Variants in NEXN observed in about 807,000 individuals in gnomAD.
NEXN encodes the protein nexilin.
A neutral mutation model predicts 92.6 loss-of-function variants in NEXN; 65 were observed. The observed-to-expected ratio is 0.70, with a 90% CI of 0.57 to 0.86. NEXN has a LOEUF of 0.86. Ranked by LOEUF, NEXN falls within the 40% of genes least tolerant of loss-of-function variation. The pLI, the probability that NEXN is intolerant of heterozygous loss-of-function variation, is 0.00. For synonymous variants in NEXN, 254 were observed against 242.5 expected (o/e 1.05, Z -0.44); for missense variants, 778 against 771.1 (o/e 1.01, Z -0.11).
intron 11 of NEXN, among the ~76,000 whole-genome samples, chr1:77,936,673 C>A (rs1286162264): frequency 6.6e-6 from 1 of 152,142 alleles, no homozygotes; most frequent in Non-Finnish European, 1.5e-5. Context: ...CTGCAACATC[C>A]CTTCTAGCTT....
intron 1 of NEXN, among the ~76,000 whole-genome samples, chr1:77,911,557 A>C (rs1285829773): frequency 6.6e-6 from 1 of 151,820 alleles, no homozygotes. Context: ...GCACCATTGC[A>C]CTCCAGCCTG....
chr1:77,893,638 A>G (rs1647156445), intron 1 of NEXN, among the ~76,000 whole-genome samples: 1 of 152,248 alleles, frequency 6.6e-6, no homozygotes. Flanking sequence ...AGCTTGTACT[A>G]TGTCCTAGGT....
chr1:77,932,244 A>G (rs1052192696), intron 9 of NEXN, among the ~76,000 whole-genome samples: 4 of 152,118 alleles, frequency 2.6e-5, no homozygotes, highest in African/African-American at 9.7e-5. Context: ...TATTAGAAAT[A>G]TTTTGAAGTT....
chr1:77,941,929 A>G (rs1651350729), intron 11 of NEXN, 94 bp from the exon 12 acceptor site: 1 of 1,232,358 alleles, frequency 8.1e-7, no homozygotes, highest in Non-Finnish European at 1.2e-6. Context: ...TAAACATGTT[A>G]ATCATTTTGT....
At chr1:77,901,469 CAA>C in intron 1 of NEXN, among the ~76,000 whole-genome samples, 1 of 152,178 alleles carries the variant, frequency 6.6e-6, no homozygotes, top group South Asian at 2.1e-4. Context: ...TCCATATAAA[CAA>C]AACCTCTATT....
intron 11 of NEXN, among the ~76,000 whole-genome samples, chr1:77,940,182 C>A (rs1179038943): frequency 6.6e-6 from 1 of 152,116 alleles, no homozygotes; most frequent in Non-Finnish European, 1.5e-5. Flanking sequence ...TAAACATGTA[C>A]CCCTCATTTG....
intron 1 of NEXN, among the ~76,000 whole-genome samples, chr1:77,913,862 T>TA (rs1259373872): frequency 1.3e-5 from 2 of 152,144 alleles, no homozygotes; most frequent in African/African-American, 4.8e-5. Flanking sequence ...GGTGAATGGA[T>TA]AAACTGTGGT....
At chr1:77,915,396 G>A (rs1263333151) in intron 1 of NEXN, among the ~76,000 whole-genome samples, 1 of 152,176 alleles carries the variant, frequency 6.6e-6, no homozygotes, top group Non-Finnish European at 1.5e-5. Flanking sequence ...TTGGGAGGCC[G>A]AGGCAGGCGG....
rs794729081 is a variant in NEXN at position 77,917,600 on chromosome 1, C to T, written c.62C>T (p.Thr21Ile). 6.2e-7 allele frequency: 1 copy of T among 1,613,362 alleles called. No individual in the cohort carries two copies. Among genetic ancestry groups the T allele is most frequent in the Non-Finnish European group, 8.5e-7 (1 of 1,179,644 alleles). Residue 21 changes from threonine to isoleucine, a missense_variant, in exon 3 of 13, where the codon ACC becomes ATC. Transcript: ENST00000334785. ...LLSSSKPVPK[T>I]YVPKLGKGDV... ...TCTTCATCTAAACCTGTCCCAAAAA[C>T]CTATGTACCAAAACTTGGCAAGGGT...
intron 1 of NEXN, among the ~76,000 whole-genome samples, chr1:77,890,341 TAC>T (rs1389181759): frequency 3.3e-5 from 5 of 152,204 alleles, no homozygotes; most frequent in African/African-American, 9.6e-5. Context: ...TCATCATAGT[TAC>T]AATGTAATCC....
At chr1:77,930,625 C>T (rs531102941) in intron 9 of NEXN, among the ~76,000 whole-genome samples, 2 of 152,184 alleles carry the variant, frequency 1.3e-5, no homozygotes, top group African/African-American at 2.4e-5. Flanking sequence ...ATATTGCTCT[C>T]GTTTCATTTC....
chr1:77,914,039 A>G (rs1648777179), intron 1 of NEXN, among the ~76,000 whole-genome samples: 1 of 152,238 alleles, frequency 6.6e-6, no homozygotes, highest in Admixed American at 6.5e-5. Flanking sequence ...AGTCAAAACT[A>G]TGAAGACAGT....
chr1:77,924,611 T>C (rs945776349), intron 5 of NEXN, among the ~76,000 whole-genome samples: 1 of 152,120 alleles, frequency 6.6e-6, no homozygotes, highest in Non-Finnish European at 1.5e-5. Flanking sequence ...TGGTCTGTTA[T>C]TCAGTTTCTG....
chr1:77,900,694 C>T (rs1302811979), intron 1 of NEXN, among the ~76,000 whole-genome samples: 3 of 152,164 alleles, frequency 2.0e-5, no homozygotes, highest in Non-Finnish European at 4.4e-5. Context: ...TGTTAGAATG[C>T]CATTACTAAA....
intron 1 of NEXN, among the ~76,000 whole-genome samples, chr1:77,895,341 G>A (rs543236503): frequency 9.0e-4 from 137 of 151,836 alleles, no homozygotes; most frequent in Non-Finnish European, 2.8e-4. Context: ...CACCGCGCCC[G>A]GTCACCTATA....
chr1:77,892,768 G>A (rs779264310), intron 1 of NEXN, among the ~76,000 whole-genome samples: 3 of 151,912 alleles, frequency 2.0e-5, no homozygotes, highest in Non-Finnish European at 4.4e-5. Context: ...ACCATATATT[G>A]CTAACCAAAA....
chr1:77,906,095 A>C (rs1319518966), intron 1 of NEXN, among the ~76,000 whole-genome samples: 4 of 152,146 alleles, frequency 2.6e-5, no homozygotes, highest in Admixed American at 6.6e-5. Context: ...AAGCCCTCAA[A>C]GGACATAGAG....
intron 1 of NEXN, among the ~76,000 whole-genome samples, chr1:77,914,857 C>CAA (rs566813851): frequency 8.9e-5 from 6 of 67,586 alleles, no homozygotes; most frequent in South Asian, 9.8e-4. Flanking sequence ...AACTACGTCT[C>CAA]AAAAAAAAAA....
chr1:77,928,066 T>C (rs1198693689), intron 8 of NEXN, among the ~76,000 whole-genome samples: 1 of 152,100 alleles, frequency 6.6e-6, no homozygotes, highest in East Asian at 1.9e-4. Context: ...CTCAGCACTT[T>C]GGAAGGCTGA....
Sources: gnomAD v4.1 joint callset for allele counts (sites outside exome capture counted in the v4.1 genomes callset) on GRCh38, gnomAD v4.1.1 for gene constraint, MANE v1.5 for transcripts, NCBI Gene and HGNC (gene_info 2026-07-23, HGNC 2026-07-21) for gene names.